Variants in SIL1 observed in about 807,000 individuals in gnomAD.
The protein encoded by SIL1 is nucleotide exchange factor SIL1.
A neutral mutation model predicts 49.1 loss-of-function variants in SIL1; 40 were observed. The ratio of observed to expected loss-of-function variants is 0.81; its 90% confidence interval spans 0.63 to 1.06. The LOEUF is 1.06. Ranked by LOEUF, SIL1 falls within the 50% of genes least tolerant of loss-of-function variation. SIL1 has a pLI of 0.00. For synonymous variants in SIL1, 253 were observed against 250.8 expected (o/e 1.01, Z -0.08); for missense variants, 500 against 572.6 (o/e 0.87, Z 1.29).
intron 7 of SIL1, among the ~76,000 whole-genome samples, chr5:138,993,357 C>T (rs1223396787): frequency 1.3e-5 from 2 of 152,152 alleles, no homozygotes; most frequent in African/African-American, 4.8e-5. Context: ...CCACACCAAC[C>T]CAAAGCTGCT....
At chr5:139,042,194 C>T (rs141520469) in intron 5 of SIL1, among the ~76,000 whole-genome samples, 298 of 152,356 alleles carry the variant, frequency 2.0e-3, no homozygotes, top group African/African-American at 7.0e-3. Context: ...AGGACAAGGA[C>T]AAGGATTCCG....
intron 1 of SIL1, among the ~76,000 whole-genome samples, chr5:139,143,648 G>C (rs1040349528): frequency 6.6e-6 from 1 of 151,704 alleles, no homozygotes; most frequent in Non-Finnish European, 1.5e-5. Flanking sequence ...CTGGGATTAC[G>C]GGCATAAGCC....
At chr5:139,142,378 A>T (rs1751097162) in intron 1 of SIL1, among the ~76,000 whole-genome samples, 1 of 152,236 alleles carries the variant, frequency 6.6e-6, no homozygotes, top group African/African-American at 2.4e-5. Context: ...TATACATGCA[A>T]AAAATCCTGA....
chr5:139,145,041 G>A (rs769993102), intron 1 of SIL1, among the ~76,000 whole-genome samples: 19 of 152,080 alleles, frequency 1.2e-4, no homozygotes, highest in African/African-American at 4.3e-4. Flanking sequence ...CAAAGGACGC[G>A]ATCAAGAGAA....
intron 3 of SIL1, among the ~76,000 whole-genome samples, chr5:139,082,119 G>C (rs1208539537): frequency 6.6e-6 from 1 of 152,182 alleles, no homozygotes; most frequent in African/African-American, 2.4e-5. Context: ...TATGGGGCAG[G>C]TATTCCCATT....
At chr5:139,130,483 G>C (rs1384845684) in intron 1 of SIL1, among the ~76,000 whole-genome samples, 1 of 152,038 alleles carries the variant, frequency 6.6e-6, no homozygotes, top group Non-Finnish European at 1.5e-5. Flanking sequence ...AAAATAACAA[G>C]TGTTGGTGAA....
chr5:139,140,608 C>T (rs1444866645), intron 1 of SIL1, among the ~76,000 whole-genome samples: 2 of 152,102 alleles, frequency 1.3e-5, no homozygotes, highest in Non-Finnish European at 2.9e-5. Flanking sequence ...AATCAGATGC[C>T]TCTCAACACA....
intron 1 of SIL1, among the ~76,000 whole-genome samples, chr5:139,148,977 C>T (rs752207484): frequency 9.2e-5 from 14 of 152,292 alleles, no homozygotes; most frequent in African/African-American, 2.4e-4. Flanking sequence ...GTAATGCCAG[C>T]GGAAAACACT....
intron 3 of SIL1, among the ~76,000 whole-genome samples, chr5:139,052,397 C>T (rs1769310444): frequency 6.6e-6 from 1 of 152,124 alleles, no homozygotes; most frequent in African/African-American, 2.4e-5. Flanking sequence ...CCATTATTTT[C>T]AAGGATAAAA....
At chr5:139,100,925 A>G (rs1178900210) in intron 3 of SIL1, among the ~76,000 whole-genome samples, 1 of 152,020 alleles carries the variant, frequency 6.6e-6, no homozygotes, top group Non-Finnish European at 1.5e-5. Flanking sequence ...TTGGAGATAA[A>G]AAAAAAACCT....
intron 1 of SIL1, among the ~76,000 whole-genome samples, chr5:139,197,365 G>C (rs1581165622): frequency 6.6e-6 from 1 of 150,610 alleles, no homozygotes; most frequent in African/African-American, 2.4e-5. Context: ...TACTTAGTTT[G>C]GGTTAACTTA....
chr5:138,967,571 A>G (rs1047040367), intron 7 of SIL1, among the ~76,000 whole-genome samples: 1 of 152,266 alleles, frequency 6.6e-6, no homozygotes, highest in Non-Finnish European at 1.5e-5. Flanking sequence ...AAAGTGAGAA[A>G]TCTGACAAAA....
intron 1 of SIL1, among the ~76,000 whole-genome samples, chr5:139,138,084 C>T (rs1010623748): frequency 2.0e-5 from 3 of 151,758 alleles, no homozygotes; most frequent in African/African-American, 4.8e-5. Context: ...TAGCTATACA[C>T]GAAGCAAAAG....
Position 138,947,185 on chromosome 5 carries a change from C to G in SIL1, c.1318G>C (p.Gly440Arg). The change falls in exon 10 of 10, where the codon GGT (glycine) becomes CGT (arginine). Residue 440 changes from glycine to arginine, a missense_variant. By Grantham distance (125) the Gly-to-Arg change is moderately radical. Transcript: ENST00000394817. The surrounding 1 kb of genome is among the most constrained non-coding windows in gnomAD (Gnocchi z 4.1). ...QVLASLELQD[G>R]EDEGYFQELL... ...TCCTGGAAGTAGCCCTCGTCCTCAC[C>G]ATCCTGCAGCTCCAGGCTGGCCAGC... is the stretch of plus-strand genomic sequence containing the variant. 1 of 1,613,598 alleles carries G rather than the reference C, an allele frequency of 6.2e-7. No individual in the cohort carries two copies. The highest frequency in any genetic ancestry group is 8.5e-7 in the Non-Finnish European group (1 of 1,179,904).
intron 7 of SIL1, among the ~76,000 whole-genome samples, chr5:139,000,355 G>A (rs1181146379): frequency 6.6e-6 from 1 of 152,140 alleles, no homozygotes; most frequent in Non-Finnish European, 1.5e-5. Context: ...TGTTCTACTT[G>A]ATGTCAAAAC....
chr5:138,983,653 C>T (rs1416108015), intron 7 of SIL1, among the ~76,000 whole-genome samples: 1 of 152,078 alleles, frequency 6.6e-6, no homozygotes, highest in East Asian at 1.9e-4. Flanking sequence ...TCCCGTCCAA[C>T]CACCCACTCT....
At chr5:138,952,973 GC>G (rs1008941099) in intron 7 of SIL1, among the ~76,000 whole-genome samples, 7 of 152,238 alleles carry the variant, frequency 4.6e-5, no homozygotes, top group Non-Finnish European at 8.8e-5. Context: ...TCCCCTCTCA[GC>G]AGCCCACATG....
intron 1 of SIL1, among the ~76,000 whole-genome samples, chr5:139,166,259 A>C (rs1343042568): frequency 6.6e-6 from 1 of 152,258 alleles, no homozygotes; most frequent in African/African-American, 2.4e-5. Flanking sequence ...CAGACCACTT[A>C]TACGACAGTG....
rs73267490 is a variant in SIL1 at position 139,175,646 on chromosome 5, A to G, written c.-11+22623T>C. On this transcript the variant is annotated intron_variant, in intron 1 of 9. Transcript: ENST00000394817. ...CTGAGGCCAGCGTTACTCTGATACCAAAGCCAGACAAACACTACAAGAAAA... is the reference window on the plus strand; with the variant it reads ...CTGAGGCCAGCGTTACTCTGATACCGAAGCCAGACAAACACTACAAGAAAA... Among the ~76,000 whole-genome samples, 135 of 152,318 alleles carry G rather than the reference A, an allele frequency of 8.9e-4. 1 individual carries two copies. Among genetic ancestry groups the G allele is most frequent in the African/African-American group, 3.1e-3 (130 of 41,560 alleles).
Sources: gnomAD v4.1 joint callset for allele counts (sites outside exome capture counted in the v4.1 genomes callset) on GRCh38, gnomAD v4.1.1 for gene constraint, Gnocchi (gnomAD v3.1) non-coding constraint, MANE v1.5 for transcripts, NCBI Gene and HGNC (gene_info 2026-07-23, HGNC 2026-07-21) for gene names.